The following ACER1 variants were observed in gnomAD, a reference collection of about 807,000 sequenced individuals.
The protein encoded by ACER1 is CTB-180A7.3.
ACER1 carries 28 observed loss-of-function variants against 24.9 expected under a neutral mutation model. That is an observed-to-expected ratio of 1.13 (90% confidence interval 0.83 to 1.54). ACER1 has a LOEUF of 1.54. Among genes scored for constraint, ACER1 ranks in the 40% most tolerant of loss-of-function variants. The pLI is 0.00. For synonymous variants in ACER1, 132 were observed against 131.4 expected (o/e 1.00, Z -0.03); for missense variants, 352 against 349.3 (o/e 1.01, Z -0.06).
chr19:6,347,213 CTTTTCT>C, the ACER1 span, among the ~76,000 whole-genome samples: 570 of 136,148 alleles, frequency 4.2e-3, 4 homozygotes, highest in African/African-American at 0.016. Flanking sequence ...TTTTTCTTTT[CTTTTCT>C]TTTTCTTTTT....
chr19:6,356,900 G>A, the ACER1 span, among the ~76,000 whole-genome samples: 1 of 152,078 alleles, frequency 6.6e-6, no homozygotes, highest in South Asian at 2.1e-4. Flanking sequence ...AATAGAAAAA[G>A]AAACAAATGA....
chr19:6,355,925 G>A, the ACER1 span, among the ~76,000 whole-genome samples: 1 of 151,842 alleles, frequency 6.6e-6, no homozygotes, highest in African/African-American at 2.4e-5. Flanking sequence ...CCCCTACTGG[G>A]AAGTGAGGAG....
At chr19:6,333,322 CTT>C (rs2091697739) in intron 1 of ACER1, 135 bp downstream of exon 1, 1 of 641,030 alleles carries the variant, frequency 1.6e-6, no homozygotes, top group Non-Finnish European at 2.5e-6. Flanking sequence ...AGCTGGCACT[CTT>C]TGGCTAACAG....
chr19:6,318,312 A>C (rs1444312037), intron 1 of ACER1, among the ~76,000 whole-genome samples: 1 of 151,870 alleles, frequency 6.6e-6, no homozygotes, highest in Non-Finnish European at 1.5e-5. Flanking sequence ...TCTACTAAAA[A>C]TACAAAATTA....
At chr19:6,311,251 G>T (rs1266895201) in intron 3 of ACER1, among the ~76,000 whole-genome samples, 1 of 152,036 alleles carries the variant, frequency 6.6e-6, no homozygotes, top group African/African-American at 2.4e-5. Context: ...GGCTCAGGTG[G>T]GTTAAGCCGG....
the ACER1 span, among the ~76,000 whole-genome samples, chr19:6,339,058 G>A: frequency 6.6e-6 from 1 of 151,664 alleles, no homozygotes; most frequent in African/African-American, 2.4e-5. Flanking sequence ...TACATTTTTA[G>A]TAGAGATGGG....
chr19:6,351,235 G>A, the ACER1 span, among the ~76,000 whole-genome samples: 2 of 151,942 alleles, frequency 1.3e-5, no homozygotes, highest in African/African-American at 4.8e-5. Context: ...GCCTGGTGGC[G>A]GGCACCTGTT....
intron 4 of ACER1, among the ~76,000 whole-genome samples, chr19:6,309,041 A>T (rs969346004): frequency 6.6e-6 from 1 of 151,972 alleles, no homozygotes. Flanking sequence ...TCTACTAAAA[A>T]TACAAAAATT....
At position 6,309,680 on chromosome 19, in the gene ACER1, C is replaced by A. The variant is rs1002878015; in HGVS notation, c.488+17G>T. 6 of 1,613,606 alleles carry A rather than the reference C, an allele frequency of 3.7e-6. No homozygotes were observed. The highest frequency in any genetic ancestry group is 4.2e-6 in the Non-Finnish European group (5 of 1,179,834). Reference sequence around the variant, plus strand: ...GGATGGGAGCCTCCTGCCCAGGCACCTGCAGCCTTCACTCACTTCCTGTAC... The same window carrying A: ...GGATGGGAGCCTCCTGCCCAGGCACATGCAGCCTTCACTCACTTCCTGTAC... On this transcript the variant is annotated intron_variant, in intron 4 of 5. Transcript: ENST00000301452.
intron 1 of ACER1, among the ~76,000 whole-genome samples, chr19:6,323,556 G>A (rs900269447): frequency 2.0e-5 from 3 of 152,172 alleles, no homozygotes; most frequent in African/African-American, 7.2e-5. Context: ...CCCCAGCCAC[G>A]TGGAACTGTA....
At chr19:6,333,772 C>T (rs560882169), upstream of ACER1, 13 of 492,414 alleles carry the variant, frequency 2.6e-5, no homozygotes, top group South Asian at 3.4e-4. Context: ...ACTGTCCAGG[C>T]AGGGCAGGGG....
At chr19:6,343,492 G>C in the ACER1 span, among the ~76,000 whole-genome samples, 1 of 150,552 alleles carries the variant, frequency 6.6e-6, no homozygotes, top group African/African-American at 2.4e-5. Flanking sequence ...CCATCTCAAC[G>C]TGGGGCCTCC....
intron 1 of ACER1, among the ~76,000 whole-genome samples, chr19:6,312,728 C>G (rs1030988013): frequency 6.7e-6 from 1 of 148,802 alleles, no homozygotes; most frequent in Non-Finnish European, 1.5e-5. Flanking sequence ...CAGGCTGGAG[C>G]GCAGTGGTGC....
chr19:6,347,830 AAAC>A, the ACER1 span, among the ~76,000 whole-genome samples: 2 of 151,932 alleles, frequency 1.3e-5, no homozygotes, highest in African/African-American at 4.8e-5. Context: ...GAGCAAATCT[AAAC>A]AACAACAACA....
the ACER1 span, among the ~76,000 whole-genome samples, chr19:6,355,628 G>A: frequency 7.2e-6 from 1 of 139,324 alleles, no homozygotes; most frequent in Non-Finnish European, 1.5e-5. Context: ...GGTGGGGGGG[G>A]TCAGCCCCCC....
chr19:6,357,741 T>G, the ACER1 span, among the ~76,000 whole-genome samples: 1 of 149,964 alleles, frequency 6.7e-6, no homozygotes, highest in Admixed American at 6.7e-5. Context: ...CCAGCCTGGA[T>G]GACAGAGTGA....
the ACER1 span, among the ~76,000 whole-genome samples, chr19:6,358,762 C>T: frequency 1.1e-4 from 17 of 151,416 alleles, no homozygotes; most frequent in Non-Finnish European, 1.8e-4. Context: ...GGAGAAACCC[C>T]GTCTCTACTT....
At chr19:6,320,088 G>C in intron 1 of ACER1, among the ~76,000 whole-genome samples, 1 of 138,986 alleles carries the variant, frequency 7.2e-6, no homozygotes, top group Non-Finnish European at 1.5e-5. Context: ...CTGTGACAGA[G>C]AGAGATTCTG....
intron 1 of ACER1, among the ~76,000 whole-genome samples, chr19:6,323,188 A>C (rs1426559237): frequency 6.6e-6 from 1 of 152,130 alleles, no homozygotes; most frequent in Non-Finnish European, 1.5e-5. Flanking sequence ...TGGGAGGCCA[A>C]GGCAGGCAGA....
Sources: gnomAD v4.1 joint callset for allele counts (sites outside exome capture counted in the v4.1 genomes callset) on GRCh38, gnomAD v4.1.1 for gene constraint, MANE v1.5 for transcripts, NCBI Gene and HGNC (gene_info 2026-07-23, HGNC 2026-07-21) for gene names.